Variants in GLS observed in about 807,000 individuals in gnomAD.
GLS encodes glutaminase kidney isoform, mitochondrial.
GLS carries 36 observed loss-of-function variants against 86.7 expected under a neutral mutation model. The observed-to-expected ratio is 0.42, with a 90% confidence interval of 0.32 to 0.55. The LOEUF (loss-of-function observed/expected upper bound fraction) is 0.55. Among genes scored for constraint, GLS ranks in the 20% least tolerant of loss-of-function variants. The pLI, the probability that GLS is intolerant of heterozygous loss-of-function variation, is 0.17. For missense variants in GLS, 528 were observed against 833.4 expected (o/e 0.63, Z 4.51); for synonymous variants, 317 against 305.9 (o/e 1.04, Z -0.38).
chr2:190,932,935 A>T (rs1690154790), intron 14 of GLS: 1 of 1,332,182 alleles, frequency 7.5e-7, no homozygotes, highest in African/African-American at 1.5e-5. Flanking sequence ...TTTGCAAGTT[A>T]TAAATATTTA....
At position 190,914,185 on chromosome 2, in the gene GLS, G is replaced by A. The variant is rs1558978273; in HGVS notation, c.1038+3864G>A. Among the ~76,000 whole-genome samples, 1 of 151,542 alleles carries A rather than the reference G, an allele frequency of 6.6e-6. No individual in the cohort carries two copies. Among genetic ancestry groups the A allele is most frequent in the African/African-American group, 2.4e-5 (1 of 41,172 alleles). ...GTATTTTTGAATTTTAAAAATTAGG[G>A]TTTTTTTTCTTTCTCTTTAAACAAT... On this transcript the variant is annotated intron_variant, in intron 7 of 17. Coordinates refer to ENST00000320717, the MANE Select transcript of GLS (RefSeq NM_014905.5). This position sits in a 1 kb window ranked among gnomAD's most constrained non-coding sequence, Gnocchi z 4.4.
Position 190,963,050 on chromosome 2 carries a change from CAT to C in GLS, c.*65_*66del, listed in dbSNP as rs774304085. ...AATTGTGGAAAATGATTATGAAGAA[CAT>C]GTGTATTTCTATCTGGTAGTGATGT... is the stretch of plus-strand genomic sequence containing the variant. On this transcript the variant is annotated 3_prime_UTR_variant, in exon 18 of 18. Coordinates refer to ENST00000320717, the MANE Select transcript of GLS (RefSeq NM_014905.5). 23 of 1,180,214 alleles carry C rather than the reference CAT, an allele frequency of 1.9e-5. No individual in the cohort carries two copies. Among genetic ancestry groups the C allele is most frequent in the Middle Eastern group, 2.0e-4 (1 of 4,910 alleles). The allele number at this position is 1,180,214 out of a possible 1,614,324, so 73.1% of individuals were successfully genotyped here.
chr2:190,939,113 G>A (rs1291746359), intron 14 of GLS, among the ~76,000 whole-genome samples: 1 of 151,568 alleles, frequency 6.6e-6, no homozygotes, highest in African/African-American at 2.4e-5. Context: ...TGGAAAACAT[G>A]CAAAATATCT....
intron 14 of GLS, among the ~76,000 whole-genome samples, chr2:190,952,545 T>A (rs1690741400): frequency 6.6e-6 from 1 of 152,156 alleles, no homozygotes. Flanking sequence ...GGAAGGTTCA[T>A]GGGTTTTGGA....
rs1236477454 is a variant in GLS, at chr2:190,914,388, A to G, written c.1038+4067A>G. 1.3e-5 allele frequency among the ~76,000 whole-genome samples: 2 copies of G among 151,206 alleles called. No individual in the cohort carries two copies. Among genetic ancestry groups the G allele is most frequent in the Non-Finnish European group, 2.9e-5 (2 of 67,850 alleles). On this transcript the variant is annotated intron_variant, in intron 7 of 17. Transcript: ENST00000320717. This position sits in a 1 kb window ranked among gnomAD's most constrained non-coding sequence, Gnocchi z 4.4. ...CTTGCAACATTCAGAAGACAGGATT[A>G]TATTGGTTTATTTACTTCTTGTTTA...
At chr2:190,910,457 A>G (rs72907244) in intron 7 of GLS, 136 bp downstream of exon 7, 15,814 of 566,370 alleles carry the variant, frequency 0.028, 301 homozygotes, top group Non-Finnish European at 0.034. Context: ...GTCTTATGGT[A>G]TAGTGTTAGG....
chr2:190,888,503 C>A (rs1375400935), intron 1 of GLS, among the ~76,000 whole-genome samples: 1 of 152,164 alleles, frequency 6.6e-6, no homozygotes, highest in Non-Finnish European at 1.5e-5. Flanking sequence ...CAAGTGCTGG[C>A]ACACTTTCCC....
intron 11 of GLS, among the ~76,000 whole-genome samples, chr2:190,926,568 GA>G (rs1689901407): frequency 6.6e-6 from 1 of 152,090 alleles, no homozygotes; most frequent in Admixed American, 6.6e-5. Context: ...ATAAAATGTG[GA>G]AAAATTTATT....
chr2:190,950,071 T>C (rs35915280), intron 14 of GLS, among the ~76,000 whole-genome samples: 7,997 of 151,784 alleles, frequency 0.053, 275 homozygotes, highest in Middle Eastern at 0.11. Context: ...TTTTAGAGTC[T>C]TGAGAGAACA....
intron 11 of GLS, among the ~76,000 whole-genome samples, chr2:190,926,366 A>G (rs1308002976): frequency 6.6e-6 from 1 of 152,188 alleles, no homozygotes; most frequent in East Asian, 1.9e-4. Flanking sequence ...TAGGCAATGT[A>G]GTCAAAGTTA....
Position 190,927,409 on chromosome 2 carries a change from A to C in GLS, c.1352A>C (p.Glu451Ala), listed in dbSNP as rs1278907475. The C allele has an allele frequency of 1.6e-5, 26 of 1,613,798 alleles. No individual in the cohort carries two copies. The highest frequency in any genetic ancestry group is 2.1e-5 in the Non-Finnish European group (25 of 1,179,864). ...PITGERVLSP[E>A]AVRNTLSLMH... is the part of the protein sequence containing the mutation. Reference sequence around the variant, plus strand: ...ACTGGTGAAAGAGTACTGAGCCCTGAAGCAGTTCGAAATACATTGAGTTTG... The same window carrying C: ...ACTGGTGAAAGAGTACTGAGCCCTGCAGCAGTTCGAAATACATTGAGTTTG... The change falls in exon 12 of 18, where the codon GAA becomes GCA. Residue 451 changes from glutamate to alanine, a missense_variant. Transcript: ENST00000320717.
At chr2:190,961,810 T>C (rs1289007569) in intron 17 of GLS, among the ~76,000 whole-genome samples, 2 of 152,094 alleles carry the variant, frequency 1.3e-5, no homozygotes, top group South Asian at 2.1e-4. Context: ...TAAAAACCTT[T>C]CGTTTCCATA....
chr2:190,881,403 G>T lies in GLS; in HGVS notation c.319G>T (p.Asp107Tyr). The change falls in exon 1 of 18, where the codon GAC becomes TAC. Residue 107 changes from aspartate to tyrosine, a missense_variant. This residue lies in a region of GLS where 224 missense variants were observed against 187.9 expected (regional missense o/e 1.19). Coordinates refer to ENST00000320717, the MANE Select transcript of GLS (RefSeq NM_014905.5). Reference sequence around the variant, plus strand: ...TGCCCCGGCGGCGCCCGGCCCCAAGGACGGCCCCGGGGAGACGGACGCGTT... The same window carrying T: ...TGCCCCGGCGGCGCCCGGCCCCAAGTACGGCCCCGGGGAGACGGACGCGTT... ...PAAPAAPGPK[D>Y]GPGETDAFGN... The T allele has an allele frequency of 6.5e-7, 1 of 1,543,696 alleles. No individual in the cohort carries two copies. The highest frequency in any genetic ancestry group is 8.7e-7 in the Non-Finnish European group (1 of 1,144,474).
chr2:190,941,929 A>G (rs1690445093), intron 14 of GLS, among the ~76,000 whole-genome samples: 1 of 152,088 alleles, frequency 6.6e-6, no homozygotes, highest in Admixed American at 6.5e-5. Flanking sequence ...TCAAAAATCT[A>G]AATGTTTAAT....
rs1380575185 is a variant in GLS, at chr2:190,935,546, A to G, written c.1650+3909A>G. On this transcript the variant is annotated intron_variant, in intron 14 of 17. Transcript: ENST00000320717. The surrounding 1 kb of genome is among the most constrained non-coding windows in gnomAD (Gnocchi z 4.2). ...TTTTCTTATTGGTTGTACTAGAAGT[A>G]TTTGAATAAAAACTTTTCTCTCAAT... Among the ~76,000 whole-genome samples the G allele has an allele frequency of 6.6e-6, 1 of 151,280 alleles. No homozygotes were observed.
rs1338217830 is a variant in GLS at position 190,905,776 on chromosome 2, ACAT to A, written c.979+613_979+615del. Among the ~76,000 whole-genome samples the A allele has an allele frequency of 6.6e-6, 1 of 152,132 alleles. No individual in the cohort carries two copies. The highest frequency in any genetic ancestry group is 2.4e-5 in the African/African-American group (1 of 41,446). ...GATCTGATAGAGATTTTAAGTCTAA[ACAT>A]CATTTAGCTGAGTGCAAACTAAGTT... On this transcript the variant is annotated intron_variant, in intron 6 of 17. Transcript: ENST00000320717. The surrounding 1 kb of genome is among the most constrained non-coding windows in gnomAD (Gnocchi z 4.6).
chr2:190,909,362 A>G (rs927502146), intron 6 of GLS, among the ~76,000 whole-genome samples: 5 of 152,214 alleles, frequency 3.3e-5, no homozygotes, highest in Admixed American at 2.0e-4. Flanking sequence ...TCAAGTACAT[A>G]TAATACTTGT....
chr2:190,905,415 A>G lies in GLS; in HGVS notation c.979+248A>G, dbSNP rs985368921. On this transcript the variant is annotated intron_variant, in intron 6 of 17. Coordinates refer to ENST00000320717, the MANE Select transcript of GLS (RefSeq NM_014905.5). This position sits in a 1 kb window ranked among gnomAD's most constrained non-coding sequence, Gnocchi z 4.6. The stretch of plus-strand genomic sequence containing the variant: ...ACCACCTTTAGGGAAATATAGCGAA[A>G]TCTCAAAATACATGAGATTTGCTTT... The G allele has an allele frequency of 5.5e-6, 2 of 364,744 alleles. No homozygotes were observed. The highest frequency in any genetic ancestry group is 1.0e-5 in the Non-Finnish European group (2 of 200,890). 22.6% of individuals were successfully genotyped at this position (364,744 alleles called of 1,614,324 possible).
rs1293884901 is a variant in GLS at position 190,880,915 on chromosome 2, GCAGCAC to G, written c.-168_-163del. The G allele has an allele frequency of 1.7e-3, 1,571 of 916,828 alleles. 31 individuals are homozygous for G. Among genetic ancestry groups the G allele is most frequent in the African/African-American group, 0.013 (750 of 57,160 alleles). 56.8% of individuals were successfully genotyped at this position (916,828 alleles called of 1,614,324 possible). A position where few individuals can be genotyped will look rare whatever the true frequency, so the allele number is the denominator to read the frequency against. On this transcript the variant is annotated 5_prime_UTR_variant, in exon 1 of 18. Coordinates refer to ENST00000320717, the MANE Select transcript of GLS (RefSeq NM_014905.5). ...AGCAGCAGCAGCAGCAGCAGCAGCA[GCAGCAC>G]CCGCATCCGCTGCGGGAGTCCGAGC...
Sources: allele counts gnomAD v4.1 joint callset (sites outside exome capture counted in the v4.1 genomes callset), GRCh38; gene constraint gnomAD v4.1.1; regional missense constraint gnomAD v4.1.1; non-coding constraint Gnocchi (gnomAD v3.1); transcripts MANE v1.5; gene names NCBI Gene and HGNC (gene_info 2026-07-23, HGNC 2026-07-21).